The following CCDC57 variants were observed in gnomAD, a reference collection of about 807,000 sequenced individuals.
CCDC57 encodes coiled-coil domain containing 57.
A neutral mutation model predicts 118.9 loss-of-function variants in CCDC57; 118 were observed. The observed-to-expected ratio is 0.99, with a 90% CI of 0.86 to 1.16. CCDC57 has a LOEUF of 1.16. Ranked by LOEUF, CCDC57 falls within the 50% of genes most tolerant of loss-of-function variation. CCDC57 has a pLI of 0.00. For synonymous variants in CCDC57, 527 were observed against 532.9 expected, an observed-to-expected ratio of 0.99 and a Z score of 0.15; for missense variants, 1,300 against 1,320.7, an observed-to-expected ratio of 0.98 and a Z score of 0.24.
At chr17:82,110,159 T>G (rs2144915181) in intron 19 of CCDC57, among the ~76,000 whole-genome samples, 1 of 151,962 alleles carries the variant, frequency 6.6e-6, no homozygotes, top group South Asian at 2.1e-4. Flanking sequence ...TTTTGTATTT[T>G]TTGTAGAGAT....
intron 14 of CCDC57, 145 bp downstream of exon 13, chr17:82,163,055 C>T (rs2043536177): frequency 1.0e-6 from 1 of 1,002,688 alleles, no homozygotes; most frequent in Admixed American, 2.2e-5. Context: ...CCCCACAGCC[C>T]CTTCCTCAGA....
intron 19 of CCDC57, chr17:82,111,964 T>G (rs1178595515): frequency 6.6e-6 from 1 of 150,562 alleles, no homozygotes; most frequent in Non-Finnish European, 1.5e-5. Context: ...TTATGTGGTG[T>G]TTTTTCTTTT....
At chr17:82,211,267 T>G (rs1355665410) in intron 1 of CCDC57, among the ~76,000 whole-genome samples, 1 of 152,134 alleles carries the variant, frequency 6.6e-6, no homozygotes, top group Non-Finnish European at 1.5e-5. Flanking sequence ...TGAAATCAAT[T>G]ATGACAAAAC....
intron 13 of CCDC57, among the ~76,000 whole-genome samples, chr17:82,164,069 G>C (rs759424487): frequency 1.3e-5 from 2 of 151,744 alleles, no homozygotes; most frequent in African/African-American, 2.4e-5. Context: ...AATTTAAAAA[G>C]AATGACCAAA....
intron 15 of CCDC57, chr17:82,156,401 T>TG (rs1156951528): frequency 6.6e-6 from 1 of 152,236 alleles, no homozygotes; most frequent in East Asian, 1.9e-4. Context: ...TGAGAGCTCC[T>TG]GGGGCCCCTT....
At chr17:82,133,188 T>C (rs943283828) in intron 17 of CCDC57, among the ~76,000 whole-genome samples, 2 of 152,026 alleles carry the variant, frequency 1.3e-5, no homozygotes, top group East Asian at 1.9e-4. Flanking sequence ...CTGGGCAACA[T>C]GGCAAAACTC....
chr17:82,203,674 A>C lies in CCDC57; in HGVS notation c.-8-1722T>G, dbSNP rs537379838. Among the ~76,000 whole-genome samples the C allele has an allele frequency of 1.3e-5, 2 of 152,152 alleles. 1 individual carries two copies. Among genetic ancestry groups the C allele is most frequent in the East Asian group, 3.9e-4 (2 of 5,170 alleles). ...TTCTGGCTGGTCCTAGCTGCCCCCA[A>C]CCCTTTAGAGGTCCAAGTATGAGCT... On this transcript the variant is annotated intron_variant, in intron 2 of 19. Coordinates refer to ENST00000665763, the Ensembl canonical transcript of CCDC57.
chr17:82,105,980 G>A (rs1423032756), intron 19 of CCDC57, among the ~76,000 whole-genome samples: 1 of 152,210 alleles, frequency 6.6e-6, no homozygotes, highest in Non-Finnish European at 1.5e-5. Context: ...GAGGAGAGGT[G>A]GGCCCTCGGG....
chr17:82,130,202 A>T (rs1206446417), intron 17 of CCDC57, among the ~76,000 whole-genome samples: 1 of 150,876 alleles, frequency 6.6e-6, no homozygotes, highest in Non-Finnish European at 1.5e-5. Context: ...GTCTCAAAAC[A>T]TTTTTTTTTG....
chr17:82,170,739 G>T (rs1433812500), intron 13 of CCDC57, among the ~76,000 whole-genome samples: 3 of 152,196 alleles, frequency 2.0e-5, no homozygotes, highest in African/African-American at 7.2e-5. Flanking sequence ...AGGCTGTGGT[G>T]TTGAGTTACG....
At chr17:82,211,821 A>T (rs1357978707) in intron 1 of CCDC57, among the ~76,000 whole-genome samples, 1 of 152,038 alleles carries the variant, frequency 6.6e-6, no homozygotes, top group Non-Finnish European at 1.5e-5. Context: ...CTGATAAGAA[A>T]CTGGAGCAAG....
At chr17:82,113,764 T>A in intron 19 of CCDC57, 1 of 666,986 alleles carries the variant, frequency 1.5e-6, no homozygotes, top group Non-Finnish European at 2.7e-6. Flanking sequence ...GAGACCCCAT[T>A]TCTACAAAAA....
chr17:82,174,055 C>G (rs146941543), intron 11 of CCDC57, among the ~76,000 whole-genome samples: 1 of 152,388 alleles, frequency 6.6e-6, no homozygotes, highest in East Asian at 1.9e-4. Flanking sequence ...GTCCCAGGGT[C>G]TGGCCCAACT....
exon 13 of CCDC57, chr17:82,171,725 C>A: frequency 6.2e-7 from 1 of 1,613,028 alleles, no homozygotes; most frequent in South Asian, 1.1e-5. Context: ...GAGGTGCGGA[C>A]GCTGGGCTGA....
At chr17:82,147,656 C>G (rs1309061873) in intron 16 of CCDC57, among the ~76,000 whole-genome samples, 42 of 44,036 alleles carry the variant, frequency 9.5e-4, no homozygotes, top group East Asian at 1.7e-3. Context: ...TGGATGGATA[C>G]ATGGAAGGGT....
chr17:82,122,016 G>T (rs2036760913), intron 19 of CCDC57, among the ~76,000 whole-genome samples: 1 of 152,124 alleles, frequency 6.6e-6, no homozygotes, highest in African/African-American at 2.4e-5. Context: ...CTGCAGCACG[G>T]CCTCGGCCCC....
intron 14 of CCDC57, among the ~76,000 whole-genome samples, chr17:82,162,960 G>A (rs1376393356): frequency 6.6e-6 from 1 of 152,230 alleles, no homozygotes; most frequent in Non-Finnish European, 1.5e-5. Flanking sequence ...CGCCAGTGCT[G>A]CCTCCACTGC....
At chr17:82,159,869 T>C (rs67682841) in intron 14 of CCDC57, among the ~76,000 whole-genome samples, 67,337 of 148,350 alleles carry the variant, frequency 0.45, 17,342 homozygotes, top group East Asian at 0.88. Context: ...ACAGAGTTCA[T>C]CATGTTGGCC....
chr17:82,105,497 TGCGTGCA>T (rs1432006927), intron 19 of CCDC57, among the ~76,000 whole-genome samples: 1 of 152,084 alleles, frequency 6.6e-6, no homozygotes, highest in Admixed American at 6.5e-5. Context: ...CTCCAGAAGC[TGCGTGCA>T]CCTTTCCAGG....
Sources: gnomAD v4.1 joint callset for allele counts (sites outside exome capture counted in the v4.1 genomes callset) on GRCh38, gnomAD v4.1.1 for gene constraint, MANE v1.5 for transcripts, NCBI Gene and HGNC (gene_info 2026-07-23, HGNC 2026-07-21) for gene names.